Variants in ZNF609 observed in about 807,000 individuals in gnomAD.
The protein encoded by ZNF609 is zinc finger protein 609.
ZNF609 carries 11 observed loss-of-function variants against 109.5 expected under a neutral mutation model. The observed-to-expected ratio is 0.10, with a 90% confidence interval of 0.06 to 0.17. The LOEUF is 0.17. ZNF609 is among the 10% of genes least tolerant of loss of function. The probability of loss-of-function intolerance (pLI) is 1.00; values close to 1 mark genes in which losing one functional copy is unlikely to be tolerated. For synonymous variants in ZNF609, 646 were observed against 662.0 expected, an observed-to-expected ratio of 0.98 and a Z score of 0.37; for missense variants, 1,559 against 1,772.4, an observed-to-expected ratio of 0.88 and a Z score of 2.16.
chr15:64,558,781 T>C (rs188723522), intron 2 of ZNF609, among the ~76,000 whole-genome samples: 9 of 152,354 alleles, frequency 5.9e-5, no homozygotes, highest in Middle Eastern at 3.4e-3. Flanking sequence ...TAAAATAGAC[T>C]AAAGTATGAG....
rs773392880 is a variant in ZNF609 at position 64,673,950 on chromosome 15, C to T, written c.1096C>T (p.Arg366Cys). 2.5e-6 allele frequency: 4 copies of T among 1,613,218 alleles called. No individual in the cohort carries two copies. Among genetic ancestry groups the T allele is most frequent in the Middle Eastern group, 1.7e-4 (1 of 6,060 alleles). The change falls in exon 5 of 10, where the codon CGC becomes TGC. Residue 366 changes from arginine (R) to cysteine (C), a missense_variant. By Grantham distance (180) the Arg-to-Cys change is radical. This residue lies in a region of ZNF609 where 1,204 missense variants were observed against 1,314.1 expected (regional missense o/e 0.92). Coordinates refer to ENST00000326648, the MANE Select transcript of ZNF609 (RefSeq NM_015042.2). Reference protein sequence around the residue: ...CDSPTSDLEMRNGRGRGKRMR... With the variant: ...CDSPTSDLEMCNGRGRGKRMR... ...CTCCCCGACCAGTGACCTGGAAATGCGCAATGGCCGGGGTAGAGGCAAACG... is the reference window on the plus strand; with the variant it reads ...CTCCCCGACCAGTGACCTGGAAATGTGCAATGGCCGGGGTAGAGGCAAACG...
In ZNF609 at chr15:64,576,987, T is replaced by C. The variant is rs1316826748; in HGVS notation, c.748-45840T>C. ...ATACACATAAATATATATATGTATGTATACACATAAATATATATATGTATG... is the reference window on the plus strand; with the variant it reads ...ATACACATAAATATATATATGTATGCATACACATAAATATATATATGTATG... On this transcript the variant is annotated intron_variant, in intron 2 of 9. Coordinates refer to ENST00000326648, the MANE Select transcript of ZNF609 (RefSeq NM_015042.2). 7.2e-5 allele frequency among the ~76,000 whole-genome samples: 10 copies of C among 138,076 alleles called. 1 individual carries two copies. Among genetic ancestry groups the C allele is most frequent in the Admixed American group, 1.5e-4 (2 of 13,268 alleles). The allele number at this position is 138,076 out of a possible 152,430, so 90.6% of individuals were successfully genotyped here. A position where few individuals can be genotyped will look rare whatever the true frequency, so the allele number is the denominator to read the frequency against.
Position 64,682,843 on chromosome 15 carries a change from C to T in ZNF609, c.*1157C>T, listed in dbSNP as rs1012476804. ...TGATTTTATATAGCTCAGTCTATAA[C>T]CTCCATGTGGGCCAATATAAGCTGT... is the stretch of plus-strand genomic sequence containing the variant. On this transcript the variant is annotated 3_prime_UTR_variant, in exon 10 of 10. Transcript: ENST00000326648. 5 of 152,634 alleles carry T rather than the reference C, an allele frequency of 3.3e-5. No homozygotes were observed. Among genetic ancestry groups the T allele is most frequent in the African/African-American group, 9.6e-5 (4 of 41,460 alleles). 9.5% of individuals were successfully genotyped at this position (152,634 alleles called of 1,614,324 possible).
At chr15:64,481,120 G>C (rs1893245854) in intron 1 of ZNF609, among the ~76,000 whole-genome samples, 2 of 152,088 alleles carry the variant, frequency 1.3e-5, no homozygotes, top group African/African-American at 4.8e-5. Context: ...AGGAAATTGA[G>C]CTGTGATCAT....
Position 64,500,117 on chromosome 15 carries a change from A to G in ZNF609, c.698A>G (p.Glu233Gly). The change falls in exon 2 of 10, where the codon GAG becomes GGG. Residue 233 changes from glutamate to glycine, a missense_variant. This residue lies in a region of ZNF609 where 291 missense variants were observed against 317.8 expected (regional missense o/e 0.92). Transcript: ENST00000326648. ...LNPLGTKPEP[E>G]EGENECRLLK... ...CCTTTGGGAACTAAACCGGAGCCAGAGGAAGGGGAGAATGAGTGTCGCCTG... is the reference window on the plus strand; with the variant it reads ...CCTTTGGGAACTAAACCGGAGCCAGGGGAAGGGGAGAATGAGTGTCGCCTG... 2 of 1,613,998 alleles carry G rather than the reference A, an allele frequency of 1.2e-6. No individual in the cohort carries two copies. Among genetic ancestry groups the G allele is most frequent in the Non-Finnish European group, 8.5e-7 (1 of 1,180,022 alleles).
rs1896794068 is a variant in ZNF609, at chr15:64,675,428, G to A, written c.2574G>A (p.Lys858=). 17 of 1,614,024 alleles carry A rather than the reference G, an allele frequency of 1.1e-5. No individual in the cohort carries two copies. The East Asian group carries it at 3.8e-4, about 36-fold the overall frequency. ...ATGCTGGGGAGGATGGGGAGGGCAA[G>A]GTAGACAGTGTCAAATCAAAGGACG... is the stretch of plus-strand genomic sequence containing the variant. The part of the protein sequence containing the change: ...ISDAGEDGEG[K]VDSVKSKDAE... Residue 858 remains lysine (K), a synonymous_variant, in exon 5 of 10, where the codon AAG becomes AAA. Coordinates refer to ENST00000326648, the MANE Select transcript of ZNF609 (RefSeq NM_015042.2).
chr15:64,568,782 A>G (rs1894817972), intron 2 of ZNF609, among the ~76,000 whole-genome samples: 2 of 152,324 alleles, frequency 1.3e-5, no homozygotes, highest in South Asian at 4.1e-4. Context: ...GTTCCCATTC[A>G]TAAGGATGAA....
intron 2 of ZNF609, among the ~76,000 whole-genome samples, chr15:64,536,692 C>T (rs1894150025): frequency 6.8e-6 from 1 of 147,210 alleles, no homozygotes; most frequent in South Asian, 2.2e-4. Context: ...GCCTGGGCAA[C>T]CTAGCAAGAC....
At chr15:64,505,945 A>T (rs567902930) in intron 2 of ZNF609, among the ~76,000 whole-genome samples, 2 of 152,170 alleles carry the variant, frequency 1.3e-5, no homozygotes, top group East Asian at 3.9e-4. Context: ...AGTGCACTCC[A>T]GCCTGGGCAA....
At chr15:64,469,120 G>A (rs974216732) in intron 1 of ZNF609, among the ~76,000 whole-genome samples, 7 of 148,894 alleles carry the variant, frequency 4.7e-5, no homozygotes, top group East Asian at 2.0e-4. Flanking sequence ...AAAATTAGCC[G>A]TGTGTGGTGG....
At chr15:64,679,857 C>T (rs1896857472) in intron 6 of ZNF609, among the ~76,000 whole-genome samples, 2 of 152,170 alleles carry the variant, frequency 1.3e-5, no homozygotes, top group Admixed American at 1.3e-4. Context: ...AGGTTTTGAG[C>T]CCAAGGCTCT....
intron 1 of ZNF609, among the ~76,000 whole-genome samples, chr15:64,464,088 T>C (rs1271278497): frequency 2.0e-5 from 3 of 152,052 alleles, no homozygotes; most frequent in Non-Finnish European, 4.4e-5. Context: ...GTGATAGAAG[T>C]CTAGAAAGTT....
intron 3 of ZNF609, among the ~76,000 whole-genome samples, chr15:64,638,930 C>G (rs1189655706): frequency 2.0e-5 from 3 of 151,854 alleles, no homozygotes; most frequent in African/African-American, 7.3e-5. Flanking sequence ...AAAAAGTTAG[C>G]TATCTCCTGC....
intron 2 of ZNF609, among the ~76,000 whole-genome samples, chr15:64,531,218 A>G (rs1894056431): frequency 3.3e-5 from 5 of 152,118 alleles, no homozygotes; most frequent in Admixed American, 3.3e-4. Flanking sequence ...ATAGCTTTAT[A>G]TTGAGTACTG....
At chr15:64,653,967 GT>G (rs1567040166) in intron 3 of ZNF609, 2 of 152,082 alleles carry the variant, frequency 1.3e-5, no homozygotes, top group African/African-American at 4.8e-5. Flanking sequence ...AGACAATATG[GT>G]TACTCCAGCA....
intron 2 of ZNF609, among the ~76,000 whole-genome samples, chr15:64,547,055 G>T (rs1234318554): frequency 1.3e-5 from 2 of 152,112 alleles, no homozygotes; most frequent in Non-Finnish European, 2.9e-5. Flanking sequence ...CTCCCAAAGT[G>T]CTGGGATTAC....
chr15:64,655,904 G>A (rs1237248189), intron 3 of ZNF609, among the ~76,000 whole-genome samples: 1 of 152,080 alleles, frequency 6.6e-6, no homozygotes, highest in Non-Finnish European at 1.5e-5. Context: ...AGGGGGCAGG[G>A]GCATGGAAAT....
At chr15:64,538,282 A>G (rs1468077063) in intron 2 of ZNF609, among the ~76,000 whole-genome samples, 1 of 152,234 alleles carries the variant, frequency 6.6e-6, no homozygotes, top group African/African-American at 2.4e-5. Context: ...GCTAGATCAA[A>G]AAGTCAGTTG....
At chr15:64,609,367 G>A (rs1190680636) in intron 2 of ZNF609, among the ~76,000 whole-genome samples, 1 of 151,688 alleles carries the variant, frequency 6.6e-6, no homozygotes, top group Non-Finnish European at 1.5e-5. Context: ...TTTTTTAGTA[G>A]AGATGGGGTT....
Sources: gnomAD v4.1 joint callset for allele counts (sites outside exome capture counted in the v4.1 genomes callset) on GRCh38, gnomAD v4.1.1 for gene constraint, gnomAD v4.1.1 regional missense constraint, MANE v1.5 for transcripts, NCBI Gene and HGNC (gene_info 2026-07-23, HGNC 2026-07-21) for gene names.